The following DNAH8 variants were observed in gnomAD, a reference collection of about 807,000 sequenced individuals.
The protein encoded by DNAH8 is axonemal beta dynein heavy chain 8.
Under a neutral mutation model 562.1 loss-of-function variants are expected in DNAH8, and 382 were observed. That is an observed-to-expected ratio of 0.68 (90% CI 0.63 to 0.74). The LOEUF is 0.74. DNAH8 is among the 30% of genes least tolerant of loss of function. The probability of loss-of-function intolerance (pLI) is 0.00; values close to 1 mark genes in which losing one functional copy is unlikely to be tolerated. For missense variants in DNAH8, 5,203 were observed against 5,620.4 expected, an observed-to-expected ratio of 0.93 and a Z score of 2.37; for synonymous variants, 1,881 against 1,919.4, an observed-to-expected ratio of 0.98 and a Z score of 0.52.
At chr6:38,945,635 A>G (rs1387409547) in intron 80 of DNAH8, 47 bp downstream of exon 80, 2 of 1,610,134 alleles carry the variant, frequency 1.2e-6, no homozygotes, top group Admixed American at 3.3e-5. Flanking sequence ...GCAAACCCAA[A>G]CATACCTGGG....
chr6:38,854,505 T>G (rs9369086), intron 41 of DNAH8, among the ~76,000 whole-genome samples: 61,801 of 151,850 alleles, frequency 0.41, 13,776 homozygotes, highest in East Asian at 0.84. Context: ...GACAGAGATA[T>G]AATCAACCTT....
chr6:38,722,073 A>G (rs1762796802), intron 1 of DNAH8, among the ~76,000 whole-genome samples: 2 of 152,146 alleles, frequency 1.3e-5, no homozygotes, highest in South Asian at 4.1e-4. Context: ...TTCCATGGTT[A>G]TGTGCTCATA....
At chr6:38,826,862 T>A (rs141660789) in intron 29 of DNAH8, among the ~76,000 whole-genome samples, 5 of 152,162 alleles carry the variant, frequency 3.3e-5, no homozygotes, top group East Asian at 3.8e-4. Flanking sequence ...ATGAAAAATG[T>A]TTTTAGGAAA....
intron 82 of DNAH8, among the ~76,000 whole-genome samples, chr6:38,960,251 A>G (rs1041050132): frequency 1.3e-5 from 2 of 152,098 alleles, no homozygotes; most frequent in African/African-American, 4.8e-5. Flanking sequence ...CAACCAAAGC[A>G]AAAATAGACA....
intron 1 of DNAH8, among the ~76,000 whole-genome samples, chr6:38,718,465 T>C (rs1157904545): frequency 6.6e-6 from 1 of 152,204 alleles, no homozygotes; most frequent in Non-Finnish European, 1.5e-5. Context: ...AAAAACCATG[T>C]AGAAAATGCA....
chr6:38,908,440 A>G (rs142199308), intron 64 of DNAH8, among the ~76,000 whole-genome samples: 3 of 152,346 alleles, frequency 2.0e-5, no homozygotes, highest in East Asian at 1.9e-4. Flanking sequence ...TAGCTTTACT[A>G]TAATGTCTCT....
chr6:39,014,821 G>A (rs189948511), intron 91 of DNAH8, among the ~76,000 whole-genome samples: 1 of 152,218 alleles, frequency 6.6e-6, no homozygotes, highest in East Asian at 1.9e-4. Flanking sequence ...AAAATCTTCC[G>A]GGGCCTCAGG....
chr6:39,007,795 C>G (rs1765889921), intron 88 of DNAH8, among the ~76,000 whole-genome samples: 1 of 152,020 alleles, frequency 6.6e-6, no homozygotes, highest in Admixed American at 6.6e-5. Context: ...CCTCCCACCA[C>G]CCCACCCCAC....
intron 88 of DNAH8, among the ~76,000 whole-genome samples, chr6:39,007,959 A>ACACC (rs1765904499): frequency 8.8e-6 from 1 of 113,278 alleles, no homozygotes; most frequent in African/African-American, 3.4e-5. Flanking sequence ...ACACACACAC[A>ACACC]CACATTTCTA....
chr6:38,973,723 G>A lies in DNAH8; in HGVS notation c.12588G>A (p.Glu4196=). Residue 4196 remains glutamate, a synonymous_variant, in exon 84 of 93, where the codon GAG becomes GAA. Coordinates refer to ENST00000327475, the MANE Select transcript of DNAH8 (RefSeq NM_001206927.2). ...TGGAATTCATGGAAGAATTACTAGAGACGCTAATTACCACTGAAGCCAGTG... is the reference window on the plus strand; with the variant it reads ...TGGAATTCATGGAAGAATTACTAGAAACGCTAATTACCACTGAAGCCAGTG... The part of the protein sequence containing the change: ...LGLEFMEELL[E]TLITTEASDD... 1 of 1,610,340 alleles carries A rather than the reference G, an allele frequency of 6.2e-7. No individual in the cohort carries two copies.
rs547378294 is a variant in DNAH8, at chr6:38,916,963, C to T, written c.10141-276C>T. On this transcript the variant is annotated intron_variant, in intron 68 of 92. Coordinates refer to ENST00000327475, the MANE Select transcript of DNAH8 (RefSeq NM_001206927.2). ...GAAGATGCAAGTTATCTAAATGTTA[C>T]ATATCAGTGGGACTTATTAACAGAG... Among the ~76,000 whole-genome samples, 254 of 152,256 alleles carry T rather than the reference C, an allele frequency of 1.7e-3. 1 individual carries two copies. The highest frequency in any genetic ancestry group is 3.4e-3 in the Middle Eastern group (1 of 294).
chr6:38,759,309 A>AC (rs1766254506), intron 10 of DNAH8, among the ~76,000 whole-genome samples: 1 of 133,488 alleles, frequency 7.5e-6, no homozygotes, highest in Non-Finnish European at 1.6e-5. Context: ...CCCTGTCTCA[A>AC]AAAACAAACA....
At chr6:38,759,310 AAAACAAAC>A (rs77729842) in intron 10 of DNAH8, among the ~76,000 whole-genome samples, 42 of 151,152 alleles carry the variant, frequency 2.8e-4, no homozygotes, top group Admixed American at 1.2e-3. Context: ...CCTGTCTCAA[AAAACAAAC>A]AAACAAACAA....
chr6:38,979,502 G>A (rs868431064), intron 85 of DNAH8, among the ~76,000 whole-genome samples: 1 of 151,962 alleles, frequency 6.6e-6, no homozygotes, highest in Admixed American at 6.6e-5. Flanking sequence ...GTATTCCAAG[G>A]TAATTTAAAA....
At chr6:38,887,872 T>C (rs1779067803) in intron 57 of DNAH8, among the ~76,000 whole-genome samples, 1 of 136,658 alleles carries the variant, frequency 7.3e-6, no homozygotes, top group Non-Finnish European at 1.6e-5. Context: ...GTGTCACTCT[T>C]GTCACCCAGG....
chr6:39,006,410 A>G (rs969605400), intron 88 of DNAH8, among the ~76,000 whole-genome samples: 3 of 152,180 alleles, frequency 2.0e-5, no homozygotes, highest in Non-Finnish European at 4.4e-5. Flanking sequence ...ACTCTTCAAT[A>G]TTGCAAATAC....
intron 85 of DNAH8, 98 bp from the exon 86 acceptor site, chr6:38,982,248 T>C (rs773250433): frequency 6.3e-6 from 4 of 639,066 alleles, no homozygotes; most frequent in Non-Finnish European, 1.2e-5. Context: ...CTAATGTCAA[T>C]TTATTTTGAT....
intron 83 of DNAH8, 148 bp from the exon 84 acceptor site, chr6:38,973,513 G>A (rs888946477): frequency 6.7e-6 from 4 of 595,530 alleles, no homozygotes; most frequent in African/African-American, 5.8e-5. Flanking sequence ...ACCATAGCAG[G>A]AGAAATGATT....
At chr6:39,012,724 C>T (rs1391772881) in intron 91 of DNAH8, 87 bp downstream of exon 91, 2 of 1,009,788 alleles carry the variant, frequency 2.0e-6, no homozygotes, top group Non-Finnish European at 3.1e-6. Flanking sequence ...CCATATAAAA[C>T]AATATGGAGG....
Sources: allele counts gnomAD v4.1 joint callset (sites outside exome capture counted in the v4.1 genomes callset), GRCh38; gene constraint gnomAD v4.1.1; transcripts MANE v1.5; gene names NCBI Gene and HGNC (gene_info 2026-07-23, HGNC 2026-07-21).